SHISA6: variants seen among roughly 807,000 people sequenced by gnomAD.
SHISA6 encodes protein shisa-6.
A neutral mutation model predicts 47.9 loss-of-function variants in SHISA6; 22 were observed. The ratio of observed to expected loss-of-function variants is 0.46; its 90% CI spans 0.33 to 0.66. The LOEUF (loss-of-function observed/expected upper bound fraction) is 0.66, where lower values mean the gene tolerates loss of function less well. SHISA6 is among the 30% of genes least tolerant of loss of function. The pLI, the probability that SHISA6 is intolerant of heterozygous loss-of-function variation, is 0.02. For synonymous variants in SHISA6, 388 were observed against 337.8 expected (o/e 1.15, Z -1.63); for missense variants, 680 against 764.6 (o/e 0.89, Z 1.30).
rs9674778 is a variant in SHISA6, at chr17:11,547,010, C to T, written c.896-4886C>T. Among the ~76,000 whole-genome samples, 377 of 152,014 alleles carry T rather than the reference C, an allele frequency of 2.5e-3. 1 individual carries two copies. Among genetic ancestry groups the T allele is most frequent in the African/African-American group, 8.6e-3 (358 of 41,454 alleles). ...CATGCGATAAACAAGACACAGATAG[C>T]GTCATGTGCTTTTTGTGCTGAATAA... On this transcript the variant is annotated intron_variant, in intron 3 of 5. Coordinates refer to ENST00000441885, the MANE Select transcript of SHISA6 (RefSeq NM_207386.4).
chr17:11,320,288 T>A (rs1042265796), intron 2 of SHISA6, among the ~76,000 whole-genome samples: 4 of 152,114 alleles, frequency 2.6e-5, no homozygotes, highest in African/African-American at 7.2e-5. Flanking sequence ...TTCAGAGAAA[T>A]TGGGAAGCAA....
intron 2 of SHISA6, among the ~76,000 whole-genome samples, chr17:11,335,687 A>G (rs905471334): frequency 9.9e-5 from 15 of 152,098 alleles, no homozygotes; most frequent in African/African-American, 3.4e-4. Context: ...TTTCCCACGA[A>G]TTATCAGGAG....
At position 11,293,475 on chromosome 17, in the gene SHISA6, A is replaced by G. The variant is rs113500577; in HGVS notation, c.799+29949A>G. 6.9e-3 allele frequency among the ~76,000 whole-genome samples: 1,048 copies of G among 152,328 alleles called. 10 individuals carry two copies. Among genetic ancestry groups the G allele is most frequent in the South Asian group, 0.02 (98 of 4,826 alleles). On this transcript the variant is annotated intron_variant, in intron 2 of 5. Transcript: ENST00000441885. ...AGAGAACAGGCTTTGGGAGAACATT[A>G]AAGTAACCTAGTATTTCCCTGAGAG...
intron 2 of SHISA6, among the ~76,000 whole-genome samples, chr17:11,378,361 G>A (rs967648964): frequency 4.6e-5 from 7 of 152,012 alleles, no homozygotes; most frequent in African/African-American, 9.7e-5. Context: ...GCACATGCAC[G>A]CACTGGTTTG....
At chr17:11,377,745 G>A (rs1018515006) in intron 2 of SHISA6, among the ~76,000 whole-genome samples, 3 of 152,154 alleles carry the variant, frequency 2.0e-5, no homozygotes, top group Non-Finnish European at 4.4e-5. Flanking sequence ...GAGCTTAGTT[G>A]TTCCTCCATT....
chr17:11,540,459 G>A (rs8074689), intron 3 of SHISA6, among the ~76,000 whole-genome samples: 7,507 of 152,150 alleles, frequency 0.049, 613 homozygotes, highest in African/African-American at 0.17. Context: ...CCCTGCCTTT[G>A]GGTTCCAGAA....
chr17:11,532,995 G>T (rs1469720248), intron 3 of SHISA6, among the ~76,000 whole-genome samples: 1 of 152,116 alleles, frequency 6.6e-6, no homozygotes, highest in Non-Finnish European at 1.5e-5. Flanking sequence ...AGTGTAAACA[G>T]CCACTTTGGG....
At chr17:11,313,639 C>T (rs375242154) in intron 2 of SHISA6, among the ~76,000 whole-genome samples, 6 of 152,132 alleles carry the variant, frequency 3.9e-5, no homozygotes, top group East Asian at 1.9e-4. Flanking sequence ...CCTGGGGAGG[C>T]GGCATTTAAG....
intron 2 of SHISA6, 125 bp downstream of exon 2, chr17:11,263,651 G>C: frequency 2.4e-6 from 3 of 1,239,490 alleles, no homozygotes; most frequent in Non-Finnish European, 3.3e-6. Context: ...GGACAGGCAG[G>C]CTGGCAAAAG....
intron 3 of SHISA6, among the ~76,000 whole-genome samples, chr17:11,409,487 C>T (rs978432195): frequency 2.6e-5 from 4 of 151,894 alleles, no homozygotes; most frequent in Admixed American, 6.6e-5. Flanking sequence ...GGGCGGATCA[C>T]GAAGTCAGGA....
chr17:11,547,929 T>C (rs1166545077), intron 3 of SHISA6, among the ~76,000 whole-genome samples: 4 of 152,154 alleles, frequency 2.6e-5, no homozygotes, highest in Non-Finnish European at 4.4e-5. Context: ...TAAAGAAAAA[T>C]TGAAATTGCA....
At chr17:11,428,892 C>G (rs994597235) in intron 3 of SHISA6, among the ~76,000 whole-genome samples, 1 of 149,612 alleles carries the variant, frequency 6.7e-6, no homozygotes, top group African/African-American at 2.5e-5. Flanking sequence ...TCATGCCATT[C>G]TCCTGCCTCA....
At chr17:11,407,255 C>T (rs1913992466) in intron 3 of SHISA6, among the ~76,000 whole-genome samples, 1 of 151,756 alleles carries the variant, frequency 6.6e-6, no homozygotes, top group Non-Finnish European at 1.5e-5. Context: ...GTAACCTGGC[C>T]AACATATACC....
intron 2 of SHISA6, among the ~76,000 whole-genome samples, chr17:11,268,187 A>G (rs1327928541): frequency 2.6e-5 from 4 of 152,204 alleles, no homozygotes; most frequent in South Asian, 2.1e-4. Flanking sequence ...ATGCCCATCT[A>G]CATACCACTG....
intron 2 of SHISA6, among the ~76,000 whole-genome samples, chr17:11,337,308 A>T (rs977825372): frequency 4.6e-5 from 7 of 152,188 alleles, no homozygotes; most frequent in Admixed American, 1.3e-4. Flanking sequence ...TCAGCCCCAC[A>T]GAAGACCCTC....
At chr17:11,319,963 T>A (rs1910655442) in intron 2 of SHISA6, among the ~76,000 whole-genome samples, 1 of 152,238 alleles carries the variant, frequency 6.6e-6, no homozygotes, top group Admixed American at 6.5e-5. Context: ...CTAAAACGTT[T>A]GAAAGGGAAA....
chr17:11,449,218 C>G (rs75692475), intron 3 of SHISA6, among the ~76,000 whole-genome samples: 2,918 of 152,010 alleles, frequency 0.019, 108 homozygotes, highest in African/African-American at 0.067. Context: ...CAGGCAGGCA[C>G]ACTGCCCGAG....
chr17:11,247,412 C>T (rs141140907), intron 1 of SHISA6, among the ~76,000 whole-genome samples: 136 of 152,296 alleles, frequency 8.9e-4, no homozygotes, highest in African/African-American at 2.7e-3. Context: ...GAACTGCCAC[C>T]GTGCTCCTGG....
At chr17:11,442,990 G>C (rs1915132437) in intron 3 of SHISA6, among the ~76,000 whole-genome samples, 1 of 152,206 alleles carries the variant, frequency 6.6e-6, no homozygotes, top group African/African-American at 2.4e-5. Context: ...GTTCTTAGCA[G>C]AAAAAGGAAG....
Sources: allele counts gnomAD v4.1 joint callset (sites outside exome capture counted in the v4.1 genomes callset), GRCh38; gene constraint gnomAD v4.1.1; transcripts MANE v1.5; gene names NCBI Gene and HGNC (gene_info 2026-07-23, HGNC 2026-07-21).